The following XPR1 variants were observed in gnomAD, a reference collection of about 807,000 sequenced individuals.
The protein encoded by XPR1 is solute carrier family 53 member 1.
In XPR1, 28 loss-of-function variants were observed where a neutral mutation model predicts 87.5. The observed-to-expected ratio is 0.32, with a 90% CI of 0.24 to 0.44. XPR1 has a LOEUF of 0.44. XPR1 is among the 20% of genes least tolerant of loss of function. The pLI, the probability that XPR1 is intolerant of heterozygous loss-of-function variation, is 1.00. For missense variants in XPR1, 559 were observed against 862.3 expected (o/e 0.65, Z 4.41); for synonymous variants, 300 against 306.1 (o/e 0.98, Z 0.21).
chr1:180,793,532 A>C (rs1649462866), intron 3 of XPR1, among the ~76,000 whole-genome samples: 1 of 152,058 alleles, frequency 6.6e-6, no homozygotes, highest in Non-Finnish European at 1.5e-5. Context: ...ATTTTTAATG[A>C]GAGTGGTCAT....
intron 12 of XPR1, among the ~76,000 whole-genome samples, chr1:180,864,711 TA>T (rs1203187838): frequency 6.6e-6 from 1 of 152,124 alleles, no homozygotes; most frequent in Non-Finnish European, 1.5e-5. Context: ...GGGGCTGAAT[TA>T]AAAAGTCAAA....
intron 1 of XPR1, among the ~76,000 whole-genome samples, chr1:180,664,263 T>C (rs1655884518): frequency 6.6e-6 from 1 of 152,216 alleles, no homozygotes; most frequent in African/African-American, 2.4e-5. Flanking sequence ...GAAGCCAGCA[T>C]GTCTCAGAGT....
At chr1:180,705,391 C>T (rs1657523348) in intron 2 of XPR1, among the ~76,000 whole-genome samples, 1 of 152,010 alleles carries the variant, frequency 6.6e-6, no homozygotes, top group Non-Finnish European at 1.5e-5. Context: ...TTGCAAATAC[C>T]CTAATGCACA....
intron 2 of XPR1, 46 bp from the exon 3 acceptor site, chr1:180,787,707 T>C (rs371099507): frequency 4.5e-6 from 6 of 1,337,390 alleles, no homozygotes; most frequent in Middle Eastern, 4.5e-4. Context: ...GTTTTCTCAA[T>C]TGGCCTTTGG....
At chr1:180,709,161 C>T (rs978300551) in intron 2 of XPR1, among the ~76,000 whole-genome samples, 1 of 152,168 alleles carries the variant, frequency 6.6e-6, no homozygotes, top group African/African-American at 2.4e-5. Context: ...ATCCACCCGC[C>T]TCGGCCTCCC....
intron 2 of XPR1, among the ~76,000 whole-genome samples, chr1:180,704,839 T>TTTTTTTTTTTTGAG (rs1657504720): frequency 6.9e-6 from 1 of 145,490 alleles, no homozygotes; most frequent in Non-Finnish European, 1.5e-5. Flanking sequence ...TTTTTTTTTT[T>TTTTTTTTTTTTGAG]AAGTAATAAT....
At chr1:180,749,277 G>A (rs963800306) in intron 2 of XPR1, among the ~76,000 whole-genome samples, 1 of 152,190 alleles carries the variant, frequency 6.6e-6, no homozygotes, top group Non-Finnish European at 1.5e-5. Flanking sequence ...TTTTATGTCT[G>A]TTGCTTATTA....
chr1:180,768,339 T>C (rs1453763635), intron 2 of XPR1, among the ~76,000 whole-genome samples: 1 of 152,224 alleles, frequency 6.6e-6, no homozygotes, highest in Non-Finnish European at 1.5e-5. Flanking sequence ...TTCTGAACTT[T>C]ATGTACCAAA....
intron 3 of XPR1, among the ~76,000 whole-genome samples, chr1:180,795,549 A>G (rs1353284844): frequency 6.6e-6 from 1 of 152,230 alleles, no homozygotes; most frequent in Non-Finnish European, 1.5e-5. Flanking sequence ...ATATTTTTTC[A>G]GATAGCTTCT....
At chr1:180,649,708 A>G (rs569307749) in intron 1 of XPR1, among the ~76,000 whole-genome samples, 1 of 152,280 alleles carries the variant, frequency 6.6e-6, no homozygotes, top group Admixed American at 6.5e-5. Context: ...TAGTATGTAG[A>G]CATATTTTCA....
chr1:180,721,844 T>C (rs1022548281), intron 2 of XPR1, among the ~76,000 whole-genome samples: 1 of 152,240 alleles, frequency 6.6e-6, no homozygotes, highest in Non-Finnish European at 1.5e-5. Flanking sequence ...TAGCTTATTT[T>C]ATTGTAAGAA....
intron 2 of XPR1, among the ~76,000 whole-genome samples, chr1:180,734,220 G>T (rs575063729): frequency 5.6e-4 from 85 of 152,314 alleles, no homozygotes; most frequent in Non-Finnish European, 1.1e-3. Flanking sequence ...CCTGCTGCTT[G>T]CTGCACAGAA....
At chr1:180,666,299 A>G (rs1018068595) in intron 1 of XPR1, among the ~76,000 whole-genome samples, 2 of 152,196 alleles carry the variant, frequency 1.3e-5, no homozygotes, top group Non-Finnish European at 2.9e-5. Flanking sequence ...GAATTTGACA[A>G]TGGGGTTTTT....
intron 11 of XPR1, among the ~76,000 whole-genome samples, chr1:180,853,940 C>T (rs929938382): frequency 7.9e-5 from 12 of 151,838 alleles, no homozygotes; most frequent in African/African-American, 2.9e-4. Context: ...ATTAGGCATG[C>T]AGAAAGCAGC....
intron 12 of XPR1, among the ~76,000 whole-genome samples, chr1:180,866,693 T>TA (rs1652403392): frequency 6.6e-6 from 1 of 152,188 alleles, no homozygotes; most frequent in African/African-American, 2.4e-5. Flanking sequence ...GTGAATGTGT[T>TA]AAAATCCTCA....
At chr1:180,829,570 T>C (rs1462327087) in intron 9 of XPR1, among the ~76,000 whole-genome samples, 1 of 152,194 alleles carries the variant, frequency 6.6e-6, no homozygotes, top group Non-Finnish European at 1.5e-5. Flanking sequence ...TCCAGGGTAT[T>C]TTGTGTGTAT....
intron 2 of XPR1, among the ~76,000 whole-genome samples, chr1:180,751,664 T>G (rs1288460372): frequency 6.6e-6 from 1 of 152,160 alleles, no homozygotes; most frequent in African/African-American, 2.4e-5. Flanking sequence ...TTAAAATTTT[T>G]GTTTCTTCTT....
chr1:180,668,080 AT>A (rs925562746), intron 1 of XPR1, among the ~76,000 whole-genome samples: 7 of 92,616 alleles, frequency 7.6e-5, no homozygotes, highest in Non-Finnish European at 1.2e-4. Flanking sequence ...TCTATTCTCT[AT>A]TTTTTTTATT....
intron 2 of XPR1, among the ~76,000 whole-genome samples, chr1:180,780,307 A>C (rs576700102): frequency 6.6e-6 from 1 of 152,328 alleles, no homozygotes; most frequent in African/African-American, 2.4e-5. Context: ...ATTTCTGCAT[A>C]TTCTTACCAA....
Sources: allele counts gnomAD v4.1 joint callset (sites outside exome capture counted in the v4.1 genomes callset), GRCh38; gene constraint gnomAD v4.1.1; transcripts MANE v1.5; gene names NCBI Gene and HGNC (gene_info 2026-07-23, HGNC 2026-07-21).